The following LARP7 variants were observed in gnomAD, a reference collection of about 807,000 sequenced individuals.
LARP7 encodes the protein la-related protein 7.
LARP7 carries 52 observed loss-of-function variants against 69.3 expected under a neutral mutation model. The ratio of observed to expected loss-of-function variants is 0.75; its 90% confidence interval spans 0.60 to 0.95. LARP7 has a LOEUF of 0.95. Among genes scored for constraint, LARP7 ranks in the 40% least tolerant of loss-of-function variants. The pLI, the probability that LARP7 is intolerant of heterozygous loss-of-function variation, is 0.00. For missense variants in LARP7, 733 were observed against 673.0 expected (o/e 1.09, Z -0.99); for synonymous variants, 254 against 215.9 (o/e 1.18, Z -1.55).
rs570520937 is a variant in LARP7, at chr4:112,647,098, A to T, written c.617A>T (p.Asn206Ile). ...GGCATATTTCCTAAAACAGTGAAAA[A>T]TAAGCCCATTCCAGCCTTAAGAGTT... ...KPGIFPKTVKNKPIPALRVVE... is the reference protein window; with the variant it reads ...KPGIFPKTVKIKPIPALRVVE... Residue 206 changes from asparagine to isoleucine, a missense_variant, in exon 6 of 13, where the codon AAT (asparagine) becomes ATT (isoleucine). Asn to Ile is a moderately radical substitution (Grantham distance 149). Coordinates refer to ENST00000344442, the MANE Select transcript of LARP7 (RefSeq NM_016648.4). 6.2e-7 allele frequency: 1 copy of T among 1,611,514 alleles called. No individual in the cohort carries two copies. The highest frequency in any genetic ancestry group is 8.5e-7 in the Non-Finnish European group (1 of 1,179,432).
chr4:112,648,336 A>C (rs748092879), intron 8 of LARP7: 13 of 531,110 alleles, frequency 2.4e-5, no homozygotes, highest in Non-Finnish European at 4.6e-5. Flanking sequence ...AAAATTTTGT[A>C]ACAAAAGGTG....
In LARP7 at chr4:112,650,517, T is replaced by G; in HGVS notation, c.1351T>G (p.Phe451Val). The G allele has an allele frequency of 6.2e-7, 1 of 1,613,702 alleles. No individual in the cohort carries two copies. Among genetic ancestry groups the G allele is most frequent in the Non-Finnish European group, 8.5e-7 (1 of 1,179,758 alleles). Residue 451 changes from phenylalanine (F) to valine (V), a missense_variant, in exon 10 of 13, where the codon TTC becomes GTC. Physicochemically the swap from Phe to Val is conservative, Grantham distance 50. Transcript: ENST00000344442. Reference sequence around the variant, plus strand: ...GAAAGTTAATGCAACAGGACCACAGTTCGTGAGTGGAGTGATTGTGAAGAT... The same window carrying G: ...GAAAGTTAATGCAACAGGACCACAGGTCGTGAGTGGAGTGATTGTGAAGAT... ...QEKVNATGPQ[F>V]VSGVIVKIIS...
chr4:112,647,414 C>T lies in LARP7; in HGVS notation c.862C>T (p.Pro288Ser). ...KRDRVEASSLPEVRTGKRKRS... is the reference protein window; with the variant it reads ...KRDRVEASSLSEVRTGKRKRS... Reference sequence around the variant, plus strand: ...GGACAGAGTTGAAGCATCTAGCTTACCTGAAGTCAGAACAGGGAAGAGGAA... The same window carrying T: ...GGACAGAGTTGAAGCATCTAGCTTATCTGAAGTCAGAACAGGGAAGAGGAA... Residue 288 changes from proline to serine, a missense_variant, in exon 7 of 13, where the codon CCT becomes TCT. Transcript: ENST00000344442. 6.2e-7 allele frequency: 1 copy of T among 1,613,968 alleles called. No homozygotes were observed. Among genetic ancestry groups the T allele is most frequent in the Non-Finnish European group, 8.5e-7 (1 of 1,180,002 alleles).
intron 8 of LARP7, chr4:112,648,115 T>G (rs755458358): frequency 1.8e-6 from 1 of 556,734 alleles, no homozygotes; most frequent in East Asian, 4.7e-5. Context: ...AGCTTAAATA[T>G]ATGAGCTGCG....
chr4:112,656,268 C>T (rs372832998), intron 12 of LARP7, among the ~76,000 whole-genome samples: 2 of 151,978 alleles, frequency 1.3e-5, no homozygotes, highest in East Asian at 3.9e-4. Flanking sequence ...CCAGCTGGCA[C>T]GCACATGTAA....
chr4:112,657,409 G>A lies in LARP7; in HGVS notation c.*82G>A, dbSNP rs972810239. ...GATTCACTTTTATTATGGTAGCACT[G>A]CATAATTAATGTGTTTTTAATTAAA... On this transcript the variant is annotated 3_prime_UTR_variant, in exon 13 of 13. Transcript: ENST00000344442. 4 of 546,414 alleles carry A rather than the reference G, an allele frequency of 7.3e-6. No homozygotes were observed. The highest frequency in any genetic ancestry group is 5.2e-5 in the South Asian group (1 of 19,098). The allele number at this position is 546,414 out of a possible 1,614,324, so 33.8% of individuals were successfully genotyped here. A position where few individuals can be genotyped will look rare whatever the true frequency, so the allele number is the denominator to read the frequency against.
chr4:112,656,773 T>A (rs2048972534), intron 12 of LARP7, among the ~76,000 whole-genome samples: 1 of 152,220 alleles, frequency 6.6e-6, no homozygotes, highest in Non-Finnish European at 1.5e-5. Flanking sequence ...TTTAGTTTAA[T>A]CTAAAAGTGA....
At chr4:112,653,048 A>C in intron 10 of LARP7, 29 bp from the exon 11 acceptor site, 2 of 1,532,414 alleles carry the variant, frequency 1.3e-6, no homozygotes, top group Non-Finnish European at 1.8e-6. Flanking sequence ...TTTAAATTTT[A>C]TTTGTCTTTC....
Position 112,650,520 on chromosome 4 carries a change from G to C in LARP7, c.1354G>C (p.Val452Leu), listed in dbSNP as rs202109173. 1.4e-5 allele frequency: 22 copies of C among 1,613,706 alleles called. No homozygotes were observed. In the East Asian group the frequency reaches 3.8e-4, roughly 28 times the overall value. The change falls in exon 10 of 13, where the codon GTG becomes CTG. Residue 452 changes from valine to leucine, a missense_variant. Physicochemically the swap from Val to Leu is conservative, Grantham distance 32. Transcript: ENST00000344442. ...AGTTAATGCAACAGGACCACAGTTC[G>C]TGAGTGGAGTGATTGTGAAGATCAT... is the stretch of plus-strand genomic sequence containing the variant. ...EKVNATGPQFVSGVIVKIIST... is the reference protein window; with the variant it reads ...EKVNATGPQFLSGVIVKIIST...
Position 112,644,945 on chromosome 4 carries a change from C to CTTTTTTTTT in LARP7, c.202+85_202+93dup, listed in dbSNP as rs58234206. ...AAATTTACTTATAAAATAATATATT[C>CTTTTTTTTT]TTTTTTTTTTTTTTTTTTTGAGTTG... On this transcript the variant is annotated intron_variant, in intron 2 of 12. Coordinates refer to ENST00000344442, the MANE Select transcript of LARP7 (RefSeq NM_016648.4). 5.0e-4 allele frequency: 84 copies of CTTTTTTTTT among 168,188 alleles called. 1 individual carries two copies. The highest frequency in any genetic ancestry group is 2.9e-3 in the Middle Eastern group (1 of 350). The allele number at this position is 168,188 out of a possible 1,614,324, so 10.4% of individuals were successfully genotyped here.
intron 12 of LARP7, among the ~76,000 whole-genome samples, chr4:112,656,465 C>A (rs2149290437): frequency 6.6e-6 from 1 of 152,146 alleles, no homozygotes; most frequent in African/African-American, 2.4e-5. Flanking sequence ...CACAAAAGAT[C>A]AAGAAGATGA....
At chr4:112,645,522 T>C (rs1031070341) in intron 2 of LARP7, 2 of 456,158 alleles carry the variant, frequency 4.4e-6, no homozygotes, top group Non-Finnish European at 4.4e-6. Flanking sequence ...TTTCATTTTT[T>C]TGAGGCAAGG....
At chr4:112,655,947 TTAG>T (rs1301359995) in intron 12 of LARP7, among the ~76,000 whole-genome samples, 2 of 152,228 alleles carry the variant, frequency 1.3e-5, no homozygotes, top group Admixed American at 6.5e-5. Flanking sequence ...TAGGAGCATC[TTAG>T]TAAGTAATGG....
chr4:112,655,664 C>T (rs2048925253), intron 12 of LARP7, among the ~76,000 whole-genome samples: 1 of 152,218 alleles, frequency 6.6e-6, no homozygotes, highest in Non-Finnish European at 1.5e-5. Context: ...ACAAAGTCCC[C>T]TACTTTCATG....
At position 112,657,380 on chromosome 4, in the gene LARP7, G is replaced by A; in HGVS notation, c.*53G>A. The A allele has an allele frequency of 1.1e-6, 1 of 885,180 alleles. No individual in the cohort carries two copies. The highest frequency in any genetic ancestry group is 1.7e-6 in the Non-Finnish European group (1 of 597,220). 54.8% of individuals were successfully genotyped at this position (885,180 alleles called of 1,614,324 possible). On this transcript the variant is annotated 3_prime_UTR_variant, in exon 13 of 13. Coordinates refer to ENST00000344442, the MANE Select transcript of LARP7 (RefSeq NM_016648.4). ...TTCACAAGATACTTGAGCTGTTCTT[G>A]GGAGATTCACTTTTATTATGGTAGC... is the stretch of plus-strand genomic sequence containing the variant.
intron 4 of LARP7, 46 bp downstream of exon 4, chr4:112,646,717 CAATAT>C: frequency 1.3e-6 from 2 of 1,551,090 alleles, no homozygotes; most frequent in Non-Finnish European, 1.7e-6. Context: ...GGCACAGAAA[CAATAT>C]AATTAAGTTA....
Position 112,657,105 on chromosome 4 carries a change from T to A in LARP7, c.1669-142T>A, listed in dbSNP as rs111804564. ...GAGCATAATTATCTCATTTGTCATC[T>A]TCTCGCTGTTTTTAAAAAATTTCCA... On this transcript the variant is annotated intron_variant, in intron 12 of 12. Coordinates refer to ENST00000344442, the MANE Select transcript of LARP7 (RefSeq NM_016648.4). The A allele has an allele frequency of 4.0e-4, 173 of 433,072 alleles. 1 individual carries two copies. The highest frequency in any genetic ancestry group is 3.0e-3 in the African/African-American group (146 of 49,268). 26.8% of individuals were successfully genotyped at this position (433,072 alleles called of 1,614,324 possible). A position where few individuals can be genotyped will look rare whatever the true frequency, so the allele number is the denominator to read the frequency against.
At chr4:112,640,857 T>C (rs1217867680) in intron 1 of LARP7, among the ~76,000 whole-genome samples, 3 of 152,204 alleles carry the variant, frequency 2.0e-5, no homozygotes, top group African/African-American at 7.2e-5. Context: ...AAGTGACATT[T>C]GCAGAGACCT....
chr4:112,639,295 C>T (rs990972865), intron 1 of LARP7, among the ~76,000 whole-genome samples: 2 of 151,226 alleles, frequency 1.3e-5, no homozygotes, highest in African/African-American at 2.4e-5. Flanking sequence ...CTGCAAGCTC[C>T]GCCTCCCGGA....
Sources: gnomAD v4.1 joint callset for allele counts (sites outside exome capture counted in the v4.1 genomes callset) on GRCh38, gnomAD v4.1.1 for gene constraint, MANE v1.5 for transcripts, NCBI Gene and HGNC (gene_info 2026-07-23, HGNC 2026-07-21) for gene names.